Variants in C3orf70 observed in about 807,000 individuals in gnomAD.
The protein encoded by C3orf70 is UPF0524 protein C3orf70.
A neutral mutation model predicts 20.7 loss-of-function variants in C3orf70; 15 were observed. The observed-to-expected ratio is 0.72, with a 90% confidence interval of 0.48 to 1.11. The LOEUF (loss-of-function observed/expected upper bound fraction) is 1.11. Among genes scored for constraint, C3orf70 ranks in the 50% most tolerant of loss-of-function variants. C3orf70 has a pLI of 0.00. For synonymous variants in C3orf70, 161 were observed against 125.7 expected, an observed-to-expected ratio of 1.28 and a Z score of -1.88; for missense variants, 332 against 317.6, an observed-to-expected ratio of 1.05 and a Z score of -0.34.
At chr3:185,144,258 T>C (rs559704268) in intron 1 of C3orf70, among the ~76,000 whole-genome samples, 9 of 152,130 alleles carry the variant, frequency 5.9e-5, no homozygotes, top group Admixed American at 2.0e-4. Flanking sequence ...ATTAACAACA[T>C]GAAAACTGAA....
intron 1 of C3orf70, among the ~76,000 whole-genome samples, chr3:185,126,039 C>T (rs999462304): frequency 6.6e-6 from 1 of 152,014 alleles, no homozygotes; most frequent in African/African-American, 2.4e-5. Context: ...GTGAATTGTA[C>T]TGTATGTAAG....
chr3:185,151,191 G>C (rs1716982465), intron 1 of C3orf70, among the ~76,000 whole-genome samples: 1 of 152,216 alleles, frequency 6.6e-6, no homozygotes, highest in African/African-American at 2.4e-5. Flanking sequence ...CTAATGAAGG[G>C]AGAAGCTGTC....
At position 185,082,869 on chromosome 3, in the gene C3orf70, C is replaced by T. The variant is rs187840065; in HGVS notation, c.*138G>A. 1,642 of 761,458 alleles carry T rather than the reference C, an allele frequency of 2.2e-3. 8 individuals are homozygous for T. The highest frequency in any genetic ancestry group is 2.9e-3 in the Non-Finnish European group (1,325 of 455,088). 47.2% of individuals were successfully genotyped at this position (761,458 alleles called of 1,614,324 possible). A position where few individuals can be genotyped will look rare whatever the true frequency, so the allele number is the denominator to read the frequency against. On this transcript the variant is annotated 3_prime_UTR_variant, in exon 2 of 2. Transcript: ENST00000335012. ...AGACGGAGAGAAGCTAATCAGCATA[C>T]CACTGAACTGCTACGGTTGTTGGTT...
intron 1 of C3orf70, among the ~76,000 whole-genome samples, chr3:185,099,184 G>C (rs1261577070): frequency 6.6e-6 from 1 of 152,168 alleles, no homozygotes; most frequent in African/African-American, 2.4e-5. Context: ...ACTTTCCCAA[G>C]TTAGCTATAG....
intron 1 of C3orf70, among the ~76,000 whole-genome samples, chr3:185,120,273 G>T (rs1339495475): frequency 6.6e-6 from 1 of 152,112 alleles, no homozygotes; most frequent in African/African-American, 2.4e-5. Flanking sequence ...TGTACTATCT[G>T]CCAGACACTG....
intron 1 of C3orf70, among the ~76,000 whole-genome samples, chr3:185,104,726 C>G (rs968219586): frequency 1.1e-4 from 17 of 152,104 alleles, no homozygotes; most frequent in Admixed American, 3.9e-4. Context: ...AATGCAGAAA[C>G]AGAAAACCAA....
chr3:185,088,477 A>G (rs1189715787), intron 1 of C3orf70, among the ~76,000 whole-genome samples: 1 of 152,208 alleles, frequency 6.6e-6, no homozygotes, highest in East Asian at 1.9e-4. Flanking sequence ...GGAACTAGGC[A>G]AAGGGCACAT....
intron 1 of C3orf70, among the ~76,000 whole-genome samples, chr3:185,097,742 T>C (rs1466210579): frequency 6.6e-6 from 1 of 152,186 alleles, no homozygotes; most frequent in Admixed American, 6.5e-5. Flanking sequence ...CTATAACGCA[T>C]GTGGAACACA....
At chr3:185,136,925 AACAACAACAACAAC>A (rs1716640482) in intron 1 of C3orf70, among the ~76,000 whole-genome samples, 1 of 52,804 alleles carries the variant, frequency 1.9e-5, no homozygotes, top group Non-Finnish European at 7.5e-5. Flanking sequence ...CAACAACAAC[AACAACAACAACAAC>A]AACAACAACA....
intron 1 of C3orf70, among the ~76,000 whole-genome samples, chr3:185,090,088 ATTC>A (rs1274236099): frequency 6.6e-6 from 1 of 152,184 alleles, no homozygotes; most frequent in Admixed American, 6.5e-5. Flanking sequence ...ACAACCCTGT[ATTC>A]TTTCCTCAGG....
chr3:185,116,847 C>T (rs1339160966), intron 1 of C3orf70, among the ~76,000 whole-genome samples: 2 of 151,018 alleles, frequency 1.3e-5, no homozygotes, highest in African/African-American at 2.4e-5. Context: ...GGCGCAATCT[C>T]GGCTCACTGC....
At chr3:185,089,118 G>A (rs1171071385) in intron 1 of C3orf70, among the ~76,000 whole-genome samples, 2 of 152,124 alleles carry the variant, frequency 1.3e-5, no homozygotes, top group Non-Finnish European at 2.9e-5. Context: ...CCCAGTAACG[G>A]CATCTCCACT....
intron 1 of C3orf70, among the ~76,000 whole-genome samples, chr3:185,136,649 G>A (rs189320758): frequency 1.2e-4 from 19 of 152,124 alleles, no homozygotes; most frequent in Non-Finnish European, 1.8e-4. Flanking sequence ...GCGTGAACCC[G>A]GGAGGCGGAG....
At chr3:185,099,972 T>C (rs780584000) in intron 1 of C3orf70, among the ~76,000 whole-genome samples, 14 of 152,152 alleles carry the variant, frequency 9.2e-5, no homozygotes, top group Non-Finnish European at 1.9e-4. Flanking sequence ...CATTACATAA[T>C]GGTAAAGGAT....
chr3:185,124,160 C>T (rs914528822), intron 1 of C3orf70, among the ~76,000 whole-genome samples: 1 of 152,142 alleles, frequency 6.6e-6, no homozygotes, highest in African/African-American at 2.4e-5. Flanking sequence ...GCATAGGTTA[C>T]AAGCAAATAC....
intron 1 of C3orf70, among the ~76,000 whole-genome samples, chr3:185,109,616 T>C (rs1157200583): frequency 2.0e-5 from 3 of 152,160 alleles, no homozygotes; most frequent in African/African-American, 7.2e-5. Context: ...AATAATTTAA[T>C]GGTAGCTATG....
intron 1 of C3orf70, among the ~76,000 whole-genome samples, chr3:185,127,281 G>A (rs957927561): frequency 6.6e-6 from 1 of 152,064 alleles, no homozygotes; most frequent in East Asian, 1.9e-4. Flanking sequence ...GATAAATAAG[G>A]TGTTACTGAA....
At chr3:185,151,160 A>C (rs1371963545) in intron 1 of C3orf70, among the ~76,000 whole-genome samples, 1 of 152,254 alleles carries the variant, frequency 6.6e-6, no homozygotes, top group East Asian at 1.9e-4. Context: ...CATATAAGGA[A>C]GAGTATTTTA....
At chr3:185,088,139 G>A (rs1312473747) in intron 1 of C3orf70, among the ~76,000 whole-genome samples, 5 of 152,188 alleles carry the variant, frequency 3.3e-5, no homozygotes, top group South Asian at 2.1e-4. Context: ...TCAAACTCCC[G>A]ACCTCAGGTG....
Sources: allele counts gnomAD v4.1 joint callset (sites outside exome capture counted in the v4.1 genomes callset), GRCh38; gene constraint gnomAD v4.1.1; transcripts MANE v1.5; gene names NCBI Gene and HGNC (gene_info 2026-07-23, HGNC 2026-07-21).